The following GRIN2B variants were observed in gnomAD, a reference collection of about 807,000 sequenced individuals.
The protein encoded by GRIN2B is glutamate ionotropic receptor NMDA type subunit 2B, also known as glutamate receptor ionotropic, NMDA 2B.
In GRIN2B, 5 loss-of-function variants were observed where a neutral mutation model predicts 114.5. The ratio of observed to expected loss-of-function variants is 0.04; its 90% CI spans 0.02 to 0.09. The LOEUF is 0.09. Ranked by LOEUF, GRIN2B falls within the 10% of genes least tolerant of loss-of-function variation. GRIN2B has a pLI of 1.00. For synonymous variants in GRIN2B, 787 were observed against 745.1 expected (o/e 1.06, Z -0.92); for missense variants, 1,108 against 1,943.5 (o/e 0.57, Z 8.08).
At chr12:13,630,421 C>T (rs1949606562) in intron 5 of GRIN2B, among the ~76,000 whole-genome samples, 1 of 152,206 alleles carries the variant, frequency 6.6e-6, no homozygotes, top group Non-Finnish European at 1.5e-5. Flanking sequence ...TCATTTCTCA[C>T]ACTGACTCTG....
intron 2 of GRIN2B, among the ~76,000 whole-genome samples, chr12:13,931,413 C>T (rs1245664918): frequency 6.6e-6 from 1 of 152,124 alleles, no homozygotes; most frequent in East Asian, 1.9e-4. Context: ...TGGTTTCTTC[C>T]TACTTCAGTG....
chr12:13,874,658 G>A (rs1865968291), intron 2 of GRIN2B, among the ~76,000 whole-genome samples: 2 of 152,136 alleles, frequency 1.3e-5, no homozygotes, highest in Non-Finnish European at 2.9e-5. Context: ...AGCAGATTAG[G>A]GCAATTGTGT....
At chr12:13,754,004 A>AT (rs1863535665) in intron 3 of GRIN2B, 89 bp from the exon 4 acceptor site, 2 of 749,808 alleles carry the variant, frequency 2.7e-6, no homozygotes, top group African/African-American at 3.5e-5. Flanking sequence ...GGGTACAAAG[A>AT]TTTGTGTTCA....
rs764171423 is a variant in GRIN2B, at chr12:13,563,748, G to A, written c.3490C>T (p.Arg1164Cys). The A allele has an allele frequency of 5.0e-6, 8 of 1,613,902 alleles. No individual in the cohort carries two copies. The highest frequency in any genetic ancestry group is 5.9e-6 in the Non-Finnish European group (7 of 1,180,026). Residue 1164 changes from arginine to cysteine, a missense_variant, in exon 14 of 14, where the codon CGC (arginine) becomes TGC (cysteine). Physicochemically the swap from Arg to Cys is radical, Grantham distance 180 (BLOSUM62 -3). Coordinates refer to ENST00000609686, the MANE Select transcript of GRIN2B (RefSeq NM_000834.5). ...GGCCCTCCTCCGCTGACGGAGTCGCGCTTAAAGTCATCACTCCGCTCCTTG... is the reference window on the plus strand; with the variant it reads ...GGCCCTCCTCCGCTGACGGAGTCGCACTTAAAGTCATCACTCCGCTCCTTG... ...IYKERSDDFK[R>C]DSVSGGGPCT...
chr12:13,925,839 G>A (rs1027866949), intron 2 of GRIN2B, among the ~76,000 whole-genome samples: 1 of 152,076 alleles, frequency 6.6e-6, no homozygotes, highest in South Asian at 2.1e-4. Flanking sequence ...TAAGTACTGC[G>A]AATGACCTAT....
rs139056910 is a variant in GRIN2B, at chr12:13,663,459, C to T, written c.1125+12286G>A. Among the ~76,000 whole-genome samples the T allele has an allele frequency of 1.2e-3, 180 of 152,254 alleles. 2 individuals carry two copies. In the Middle Eastern group the frequency reaches 0.044, roughly 37 times the overall value. The stretch of plus-strand genomic sequence containing the variant: ...AAGGTTTCATAAACTGTGATTATTG[C>T]TTAATGTGTTTTGGTTGTAATTTAA... On this transcript the variant is annotated intron_variant, in intron 5 of 13. Transcript: ENST00000609686.
At chr12:13,874,448 C>T (rs1459664920) in intron 2 of GRIN2B, among the ~76,000 whole-genome samples, 1 of 152,184 alleles carries the variant, frequency 6.6e-6, no homozygotes, top group Non-Finnish European at 1.5e-5. Flanking sequence ...TATCAGTACT[C>T]TCACCAGCAG....
intron 2 of GRIN2B, among the ~76,000 whole-genome samples, chr12:13,890,878 G>A (rs147768020): frequency 1.8e-3 from 268 of 152,280 alleles, no homozygotes; most frequent in African/African-American, 5.9e-3. Flanking sequence ...GTAGTGCCCT[G>A]GGTATCACAA....
intron 2 of GRIN2B, among the ~76,000 whole-genome samples, chr12:13,879,722 GGGGACA>G (rs1336458236): frequency 1.3e-5 from 2 of 152,212 alleles, no homozygotes; most frequent in African/African-American, 4.8e-5. Flanking sequence ...GAATGGCAAG[GGGGACA>G]GGCCGGTACA....
intron 2 of GRIN2B, among the ~76,000 whole-genome samples, chr12:13,960,121 C>T (rs1298758191): frequency 6.6e-6 from 1 of 152,124 alleles, no homozygotes; most frequent in Admixed American, 6.5e-5. Context: ...GCCTCTACCC[C>T]TGCTCCCCAC....
rs1865827066 is a variant in GRIN2B, at chr12:13,866,237, A to G, written c.-18-11T>C. 1 of 1,600,120 alleles carries G rather than the reference A, an allele frequency of 6.2e-7. No homozygotes were observed. Among genetic ancestry groups the G allele is most frequent in the Admixed American group, 1.7e-5 (1 of 59,968 alleles). On this transcript the variant is annotated splice_polypyrimidine_tract_variant and intron_variant, in intron 2 of 13. Transcript: ENST00000609686. ...CAACTCGTCGACTCCCTGCAAACAC[A>G]AAGAAAGAGCATGTTAAAATAGGAT...
chr12:13,611,265 C>T (rs996121701), intron 9 of GRIN2B, among the ~76,000 whole-genome samples: 30 of 152,240 alleles, frequency 2.0e-4, no homozygotes, highest in African/African-American at 7.2e-4. Context: ...AGATCTGGTA[C>T]CTCAGTTGTG....
rs1458162832 is a variant in GRIN2B at position 13,564,269 on chromosome 12, C to T, written c.2969G>A (p.Arg990Gln). ...VYQDHYHHHH[R>Q]PHSIGSASSI... ...GCTGGCACTGCCAATACTATGGGGC[C>T]GGTGGTGATGGTGGTAGTGATCTTG... is the stretch of plus-strand genomic sequence containing the variant. Residue 990 changes from arginine to glutamine, a missense_variant, in exon 14 of 14, where the codon CGG (arginine) becomes CAG (glutamine). Around this residue, in one of 19 missense-constraint regions of GRIN2B, gnomAD observed 140 missense variants for 187.5 expected, o/e 0.75. Coordinates refer to ENST00000609686, the MANE Select transcript of GRIN2B (RefSeq NM_000834.5). This position sits in a 1 kb window ranked among gnomAD's most constrained non-coding sequence, Gnocchi z 4.8. 5.6e-6 allele frequency: 9 copies of T among 1,613,958 alleles called. No homozygotes were observed. The highest frequency in any genetic ancestry group is 2.2e-5 in the South Asian group (2 of 91,084).
At position 13,567,184 on chromosome 12, in the gene GRIN2B, C is replaced by T. The variant is rs747193565; in HGVS notation, c.2439G>A (p.Leu813=). Residue 813 remains leucine, a synonymous_variant, in exon 13 of 14, where the codon CTG becomes CTA. Transcript: ENST00000609686. Reference sequence around the variant, plus strand: ...AGACCCCTGCCATGTTGTCAATGTCCAGCTGGCTGCTCATGACCTCATTCT... The same window carrying T: ...AGACCCCTGCCATGTTGTCAATGTCTAGCTGGCTGCTCATGACCTCATTCT... ...NEKNEVMSSQ[L]DIDNMAGVFY... is the part of the protein sequence containing the mutation. 1 of 1,614,174 alleles carries T rather than the reference C, an allele frequency of 6.2e-7. No individual in the cohort carries two copies. The highest frequency in any genetic ancestry group is 1.1e-5 in the South Asian group (1 of 91,088).
chr12:13,835,560 G>A (rs748536403), intron 3 of GRIN2B, among the ~76,000 whole-genome samples: 10 of 151,942 alleles, frequency 6.6e-5, no homozygotes, highest in Non-Finnish European at 5.9e-5. Flanking sequence ...AGGGCTCTCA[G>A]AAGGCCACGG....
intron 4 of GRIN2B, among the ~76,000 whole-genome samples, chr12:13,701,431 C>T (rs760501449): frequency 7.9e-5 from 12 of 151,572 alleles, no homozygotes; most frequent in Non-Finnish European, 1.6e-4. Flanking sequence ...ATTGGTCTCC[C>T]TCTGTAACAT....
intron 2 of GRIN2B, among the ~76,000 whole-genome samples, chr12:13,964,937 T>C (rs1313359735): frequency 6.6e-6 from 1 of 152,168 alleles, no homozygotes. Context: ...CCCACCTTTG[T>C]TGAGAATGTT....
chr12:13,909,775 G>C (rs886537785), intron 2 of GRIN2B, among the ~76,000 whole-genome samples: 1 of 152,160 alleles, frequency 6.6e-6, no homozygotes, highest in Non-Finnish European at 1.5e-5. Context: ...GAGAGAAAAG[G>C]GTGCTGTAAA....
intron 2 of GRIN2B, among the ~76,000 whole-genome samples, chr12:13,912,876 C>T (rs1344906388): frequency 6.6e-6 from 1 of 152,026 alleles, no homozygotes; most frequent in Non-Finnish European, 1.5e-5. Flanking sequence ...CATAAAAAAT[C>T]CCTGGGTCCC....
Sources: gnomAD v4.1 joint callset for allele counts (sites outside exome capture counted in the v4.1 genomes callset) on GRCh38, gnomAD v4.1.1 for gene constraint, gnomAD v4.1.1 regional missense constraint, Gnocchi (gnomAD v3.1) non-coding constraint, MANE v1.5 for transcripts, NCBI Gene and HGNC (gene_info 2026-07-23, HGNC 2026-07-21) for gene names.